Variants in EYS observed in about 807,000 individuals in gnomAD.
EYS encodes protein eyes shut homolog.
In EYS, 250 loss-of-function variants were observed where a neutral mutation model predicts 282.1. That is an observed-to-expected ratio of 0.89 (90% CI 0.80 to 0.98). The LOEUF is 0.98. Ranked by LOEUF, EYS falls within the 50% of genes least tolerant of loss-of-function variation. The pLI is 0.00. For synonymous variants in EYS, 1,355 were observed against 1,282.9 expected (o/e 1.06, Z -1.20); for missense variants, 4,016 against 3,709.0 (o/e 1.08, Z -2.15).
At chr6:64,881,778 A>G (rs753126428) in intron 19 of EYS, among the ~76,000 whole-genome samples, 6 of 151,984 alleles carry the variant, frequency 3.9e-5, no homozygotes, top group Non-Finnish European at 5.9e-5. Flanking sequence ...TAGTAAATCT[A>G]GAATATAAAT....
chr6:64,305,526 A>G (rs1272576819), intron 30 of EYS, among the ~76,000 whole-genome samples: 2 of 152,304 alleles, frequency 1.3e-5, no homozygotes, highest in Non-Finnish European at 1.5e-5. Flanking sequence ...TTGTATTGGC[A>G]TAAAGACCAA....
intron 35 of EYS, among the ~76,000 whole-genome samples, chr6:63,972,546 T>A (rs1387800984): frequency 6.6e-6 from 1 of 152,216 alleles, no homozygotes; most frequent in Admixed American, 6.5e-5. Context: ...CTAATCTTTT[T>A]TTTTATTATT....
chr6:65,139,331 AACAGAAAACCAAAT>A (rs1764262000), intron 12 of EYS, among the ~76,000 whole-genome samples: 1 of 152,094 alleles, frequency 6.6e-6, no homozygotes, highest in African/African-American at 2.4e-5. Flanking sequence ...CTAATACAGG[AACAGAAAACCAAAT>A]ACCATCTGTT....
chr6:63,729,433 A>G lies in EYS; in HGVS notation c.8072-2753T>C, dbSNP rs544251294. Among the ~76,000 whole-genome samples, 33 of 151,924 alleles carry G rather than the reference A, an allele frequency of 2.2e-4. 2 individuals carry two copies. The South Asian group carries it at 6.8e-3, about 32-fold the overall frequency. ...TAGATTTTCTCTTATATTTTCTTCT[A>G]GGAGTTTTATAGTTTTTTATTTTAC... On this transcript the variant is annotated intron_variant, in intron 41 of 42. Coordinates refer to ENST00000503581, the MANE Select transcript of EYS (RefSeq NM_001142800.2).
In EYS at chr6:63,843,071, G is replaced by A. The variant is rs182988244; in HGVS notation, c.7228+21115C>T. Among the ~76,000 whole-genome samples, 39 of 152,240 alleles carry A rather than the reference G, an allele frequency of 2.6e-4. No homozygotes were observed. In the East Asian group the frequency reaches 6.6e-3, roughly 26 times the overall value. ...CCTCCAGTTTTGTTCTTTTTGCTTAGGATTGTCTTGGCTATACAAGCTCTT... is the reference window on the plus strand; with the variant it reads ...CCTCCAGTTTTGTTCTTTTTGCTTAAGATTGTCTTGGCTATACAAGCTCTT... On this transcript the variant is annotated intron_variant, in intron 36 of 42. Coordinates refer to ENST00000503581, the MANE Select transcript of EYS (RefSeq NM_001142800.2).
rs148579289 is a variant in EYS, at chr6:64,036,603, A to T, written c.6725+29735T>A. ...CACGCAGGTGAACAATGAGGGCATA[A>T]ACTAAGGCTGTCACAGTGGGGATAA... On this transcript the variant is annotated intron_variant, in intron 33 of 42. Coordinates refer to ENST00000503581, the MANE Select transcript of EYS (RefSeq NM_001142800.2). 2.2e-4 allele frequency among the ~76,000 whole-genome samples: 33 copies of T among 152,310 alleles called. 1 individual carries two copies. Among genetic ancestry groups the T allele is most frequent in the Admixed American group, 5.9e-4 (9 of 15,292 alleles).
At chr6:64,625,872 T>C (rs553266360) in intron 23 of EYS, among the ~76,000 whole-genome samples, 1 of 152,304 alleles carries the variant, frequency 6.6e-6, no homozygotes, top group South Asian at 2.1e-4. Context: ...AGAAAATCCA[T>C]CAATAAGGTA....
At chr6:64,886,601 T>G in intron 19 of EYS, 96 bp downstream of exon 19, 1 of 1,001,152 alleles carries the variant, frequency 1.0e-6, no homozygotes. Flanking sequence ...TGTTTGCATC[T>G]GGCAGATTAT....
At position 65,005,902 on chromosome 6, in the gene EYS, C is replaced by T. The variant is rs555547438; in HGVS notation, c.2138-8199G>A. Among the ~76,000 whole-genome samples the T allele has an allele frequency of 8.3e-4, 126 of 152,318 alleles. 1 individual carries two copies. The highest frequency in any genetic ancestry group is 2.9e-3 in the African/African-American group (120 of 41,586). ...ACCCACACCTCCTGGGTCCCGACCA[C>T]GACTTTTTTGAAAGTGTAGCCCCAA... On this transcript the variant is annotated intron_variant, in intron 13 of 42. Coordinates refer to ENST00000503581, the MANE Select transcript of EYS (RefSeq NM_001142800.2).
In EYS at chr6:64,686,742, A is replaced by AATAT. The variant is rs758136941; in HGVS notation, c.3444-60501_3444-60498dup. 1.5e-3 allele frequency among the ~76,000 whole-genome samples: 52 copies of AATAT among 33,718 alleles called. 7 individuals are homozygous for AATAT. The highest frequency in any genetic ancestry group is 3.3e-3 in the African/African-American group (48 of 14,742). The allele number at this position is 33,718 out of a possible 152,430, so 22.1% of individuals were successfully genotyped here. On this transcript the variant is annotated intron_variant, in intron 22 of 42. Transcript: ENST00000503581. ...GGGCGACAGAGCAAGATTCCATCTA[A>AATAT]ATATATATATATATATATATGTGTG...
chr6:64,300,565 T>A (rs774280422), intron 30 of EYS, among the ~76,000 whole-genome samples: 7 of 152,150 alleles, frequency 4.6e-5, no homozygotes, highest in Non-Finnish European at 8.8e-5. Context: ...AAAGAGCCCA[T>A]GAATTAGTTG....
rs527487176 is a variant in EYS at position 64,031,366 on chromosome 6, G to A, written c.6726-32183C>T. 1.8e-4 allele frequency among the ~76,000 whole-genome samples: 28 copies of A among 152,322 alleles called. 1 individual carries two copies. The South Asian group carries it at 3.5e-3, about 19-fold the overall frequency. ...CTGCCTTCCCATGGGGCAGGACTGCGGACATGCAGCCTGCCATGCCTGAGC... is the reference window on the plus strand; with the variant it reads ...CTGCCTTCCCATGGGGCAGGACTGCAGACATGCAGCCTGCCATGCCTGAGC... On this transcript the variant is annotated intron_variant, in intron 33 of 42. Transcript: ENST00000503581.
chr6:65,233,837 T>C (rs1766852406), intron 12 of EYS, among the ~76,000 whole-genome samples: 1 of 152,206 alleles, frequency 6.6e-6, no homozygotes, highest in Non-Finnish European at 1.5e-5. Flanking sequence ...ATGAGGTTTC[T>C]ACCCTGTGTT....
At chr6:63,753,670 C>T (rs1769403685) in intron 41 of EYS, among the ~76,000 whole-genome samples, 1 of 152,142 alleles carries the variant, frequency 6.6e-6, no homozygotes, top group Admixed American at 6.5e-5. Flanking sequence ...CTCCCTCCCT[C>T]TAGATGTTGG....
intron 35 of EYS, among the ~76,000 whole-genome samples, chr6:63,894,593 T>G (rs144070758): frequency 0.038 from 5,609 of 147,450 alleles, 219 homozygotes; most frequent in African/African-American, 0.1. Context: ...TTGTTTGTTT[T>G]TTTTTTGAGA....
chr6:64,479,422 A>C (rs756278060), intron 26 of EYS, among the ~76,000 whole-genome samples: 1 of 151,914 alleles, frequency 6.6e-6, no homozygotes, highest in African/African-American at 2.4e-5. Context: ...TAATTTTGCC[A>C]TTTACTTTAC....
chr6:65,073,164 T>TA (rs1773948822), intron 12 of EYS, among the ~76,000 whole-genome samples: 1 of 151,606 alleles, frequency 6.6e-6, no homozygotes, highest in Non-Finnish European at 1.5e-5. Context: ...ATGTAGCAGA[T>TA]AAAAAACAGC....
intron 8 of EYS, among the ~76,000 whole-genome samples, chr6:65,355,072 A>C (rs909279181): frequency 6.6e-6 from 1 of 152,084 alleles, no homozygotes; most frequent in Admixed American, 6.6e-5. Context: ...AGAAAATATG[A>C]AGGCCTAATG....
intron 22 of EYS, among the ~76,000 whole-genome samples, chr6:64,780,631 C>T (rs372693085): frequency 2.1e-4 from 32 of 152,132 alleles, no homozygotes; most frequent in African/African-American, 6.5e-4. Flanking sequence ...AATATATCCA[C>T]GTAACAAACT....
Sources: gnomAD v4.1 joint callset for allele counts (sites outside exome capture counted in the v4.1 genomes callset) on GRCh38, gnomAD v4.1.1 for gene constraint, MANE v1.5 for transcripts, NCBI Gene and HGNC (gene_info 2026-07-23, HGNC 2026-07-21) for gene names.